The following CCNY variants were observed in gnomAD, a reference collection of about 807,000 sequenced individuals.
CCNY encodes the protein cyclin-Y.
A neutral mutation model predicts 42.8 loss-of-function variants in CCNY; 19 were observed. The ratio of observed to expected loss-of-function variants is 0.44; its 90% CI spans 0.31 to 0.65. The LOEUF is 0.65. Ranked by LOEUF, CCNY falls within the 30% of genes least tolerant of loss-of-function variation. The probability of loss-of-function intolerance (pLI) is 0.07; values close to 1 mark genes in which losing one functional copy is unlikely to be tolerated. For synonymous variants in CCNY, 165 were observed against 162.7 expected (o/e 1.01, Z -0.11); for missense variants, 370 against 437.3 (o/e 0.85, Z 1.37).
At chr10:35,549,089 T>TC (rs1841182724) in intron 7 of CCNY, among the ~76,000 whole-genome samples, 1 of 137,990 alleles carries the variant, frequency 7.2e-6, no homozygotes, top group African/African-American at 3.0e-5. Flanking sequence ...TCCGTGCCCC[T>TC]CACCACCCAC....
intron 2 of CCNY, among the ~76,000 whole-genome samples, chr10:35,491,582 C>T (rs972633141): frequency 6.6e-6 from 1 of 152,180 alleles, no homozygotes. Context: ...CGTCTTTCCT[C>T]TCCTGCCAGC....
At chr10:35,431,153 G>T (rs893454153) in intron 1 of CCNY, among the ~76,000 whole-genome samples, 2 of 151,808 alleles carry the variant, frequency 1.3e-5, no homozygotes, top group Non-Finnish European at 2.9e-5. Flanking sequence ...TTAATCTTTG[G>T]TCATAAACCT....
At chr10:35,380,958 G>T (rs1420697704) in intron 1 of CCNY, among the ~76,000 whole-genome samples, 1 of 152,136 alleles carries the variant, frequency 6.6e-6, no homozygotes, top group Non-Finnish European at 1.5e-5. Context: ...GGCTTGAAGC[G>T]TCCGAGTACC....
chr10:35,469,156 A>C (rs954260826), intron 1 of CCNY, among the ~76,000 whole-genome samples: 1 of 152,234 alleles, frequency 6.6e-6, no homozygotes, highest in Non-Finnish European at 1.5e-5. Flanking sequence ...CAGCTCACAC[A>C]ACTGGATAGC....
intron 3 of CCNY, among the ~76,000 whole-genome samples, chr10:35,277,496 C>T (rs1384834858): frequency 6.6e-6 from 1 of 152,132 alleles, no homozygotes; most frequent in African/African-American, 2.4e-5. Flanking sequence ...TGGGCCAGGT[C>T]CTCCTCTCTG....
intron 1 of CCNY, among the ~76,000 whole-genome samples, chr10:35,472,373 C>T (rs766324272): frequency 4.6e-5 from 7 of 152,128 alleles, no homozygotes; most frequent in South Asian, 2.1e-4. Flanking sequence ...TGAATGATTC[C>T]GAGAACTCCT....
chr10:35,352,125 C>T (rs1589053127), intron 1 of CCNY, among the ~76,000 whole-genome samples: 1 of 152,164 alleles, frequency 6.6e-6, no homozygotes, highest in African/African-American at 2.4e-5. Context: ...TGTGGGGTGA[C>T]AGTGGCTGAA....
At chr10:35,328,766 C>T (rs773912032) in intron 3 of CCNY, among the ~76,000 whole-genome samples, 8 of 152,206 alleles carry the variant, frequency 5.3e-5, no homozygotes, top group Non-Finnish European at 1.2e-4. Context: ...TATGCAGCTT[C>T]CCTAGGTTAG....
intron 1 of CCNY, among the ~76,000 whole-genome samples, chr10:35,426,645 G>A (rs997468352): frequency 3.1e-4 from 47 of 152,216 alleles, no homozygotes; most frequent in African/African-American, 1.1e-3. Flanking sequence ...ACATTAAATT[G>A]TCAGTTATCT....
chr10:35,466,951 A>G (rs1420919329), intron 1 of CCNY, among the ~76,000 whole-genome samples: 2 of 152,184 alleles, frequency 1.3e-5, no homozygotes, highest in Non-Finnish European at 2.9e-5. Context: ...TGAATTTTAA[A>G]TCTTAAAATG....
chr10:35,262,584 A>T (rs2095720852), intron 3 of CCNY, among the ~76,000 whole-genome samples: 1 of 151,782 alleles, frequency 6.6e-6, no homozygotes, highest in Admixed American at 6.6e-5. Context: ...CTGGTCTAGA[A>T]CTCCTGACCT....
intron 3 of CCNY, among the ~76,000 whole-genome samples, chr10:35,299,646 T>TGTATA (rs1248656810): frequency 2.6e-5 from 4 of 152,246 alleles, no homozygotes; most frequent in Admixed American, 2.0e-4. Flanking sequence ...TTCTTGTGTC[T>TGTATA]GTATAAAGTG....
At position 35,269,641 on chromosome 10, in the gene CCNY, T is replaced by G. The variant is rs538931236; in HGVS notation, c.-9+19015T>G. 3.5e-3 allele frequency among the ~76,000 whole-genome samples: 516 copies of G among 149,288 alleles called. 1 individual carries two copies. The highest frequency in any genetic ancestry group is 0.011 in the African/African-American group (446 of 40,290). ...TCTTTTTTTTTTTTTGTTTTGTTTT[T>G]TTTTTGAGATGGAGTCTCACTCTGT... On this transcript the variant is annotated intron_variant, in intron 3 of 11. Transcript: ENST00000374706.
chr10:35,521,153 A>G (rs1840538105), intron 4 of CCNY, among the ~76,000 whole-genome samples: 1 of 152,254 alleles, frequency 6.6e-6, no homozygotes, highest in Admixed American at 6.5e-5. Context: ...TTCTTGTGCA[A>G]GAAAATAGCA....
rs189752001 is a variant in CCNY at position 35,550,419 on chromosome 10, C to T, written c.580-2600C>T. On this transcript the variant is annotated intron_variant, in intron 7 of 9. Transcript: ENST00000374704. ...ATGGTCTTTTTATCCTTAATCTGCC[C>T]GGAGTTTTGCTTCCATTAAGGATTG... is the stretch of plus-strand genomic sequence containing the variant. Among the ~76,000 whole-genome samples the T allele has an allele frequency of 7.4e-4, 113 of 152,204 alleles. No individual in the cohort carries two copies. The East Asian group carries it at 0.012, about 16-fold the overall frequency.
chr10:35,541,506 T>C (rs1841000067), intron 7 of CCNY, among the ~76,000 whole-genome samples: 1 of 152,234 alleles, frequency 6.6e-6, no homozygotes, highest in African/African-American at 2.4e-5. Flanking sequence ...CAAGTGATCC[T>C]GTCCCTGCAG....
chr10:35,264,232 CT>C (rs200963801), intron 3 of CCNY, among the ~76,000 whole-genome samples: 9 of 151,260 alleles, frequency 6.0e-5, no homozygotes, highest in African/African-American at 1.7e-4. Context: ...GTATTTCTTT[CT>C]TTTTTTTTAT....
intron 1 of CCNY, among the ~76,000 whole-genome samples, chr10:35,431,585 G>A (rs1391778080): frequency 2.6e-5 from 4 of 151,460 alleles, no homozygotes; most frequent in East Asian, 1.9e-4. Context: ...TGATCTGTCC[G>A]TCAAATGCTT....
At chr10:35,410,487 A>G (rs767029891) in intron 1 of CCNY, among the ~76,000 whole-genome samples, 1 of 152,230 alleles carries the variant, frequency 6.6e-6, no homozygotes, top group Non-Finnish European at 1.5e-5. Flanking sequence ...ATTGTTAACA[A>G]TGGGAAAAAA....
Sources: gnomAD v4.1 joint callset for allele counts (sites outside exome capture counted in the v4.1 genomes callset) on GRCh38, gnomAD v4.1.1 for gene constraint, MANE v1.5 for transcripts, NCBI Gene and HGNC (gene_info 2026-07-23, HGNC 2026-07-21) for gene names.